The following GPR141 variants were observed in gnomAD, a reference collection of about 807,000 sequenced individuals.
The protein encoded by GPR141 is G protein-coupled receptor 141, also known as probable G protein-coupled receptor 141.
In GPR141, 6 loss-of-function variants were observed where a neutral mutation model predicts 6.8. The observed-to-expected ratio is 0.88, with a 90% CI of 0.48 to 1.74. The LOEUF is 1.74. GPR141 is among the 40% of genes most tolerant of loss of function. GPR141 has a pLI of 0.01. For missense variants in GPR141, 372 were observed against 372.9 expected (o/e 1.00, Z 0.02); for synonymous variants, 140 against 142.3 (o/e 0.98, Z 0.11).
chr7:37,686,399 C>G (rs756953461), intron 2 of GPR141, among the ~76,000 whole-genome samples: 1 of 152,080 alleles, frequency 6.6e-6, no homozygotes, highest in Admixed American at 6.6e-5. Context: ...CTAGTTCATA[C>G]GTTATACCAA....
intron 2 of GPR141, among the ~76,000 whole-genome samples, chr7:37,729,703 T>G (rs1042028139): frequency 6.6e-5 from 10 of 152,258 alleles, no homozygotes; most frequent in African/African-American, 2.2e-4. Context: ...AAATGCAGTC[T>G]GTGTTTACAC....
intron 2 of GPR141, among the ~76,000 whole-genome samples, chr7:37,726,131 T>C (rs1482671044): frequency 6.6e-6 from 1 of 152,224 alleles, no homozygotes; most frequent in Non-Finnish European, 1.5e-5. Flanking sequence ...GCATTTTAGG[T>C]TTAAAATGTG....
intron 2 of GPR141, among the ~76,000 whole-genome samples, chr7:37,718,908 C>T (rs1811177956): frequency 6.6e-6 from 1 of 152,164 alleles, no homozygotes; most frequent in African/African-American, 2.4e-5. Flanking sequence ...TTAAGCAGGG[C>T]TCACATTTGT....
At chr7:37,706,376 A>T (rs531297987) in intron 2 of GPR141, among the ~76,000 whole-genome samples, 26 of 152,306 alleles carry the variant, frequency 1.7e-4, no homozygotes, top group Admixed American at 7.8e-4. Context: ...GCACTGTTGT[A>T]CTCTGTTGTT....
chr7:37,688,560 T>A (rs1809617605), intron 2 of GPR141, among the ~76,000 whole-genome samples: 1 of 152,242 alleles, frequency 6.6e-6, no homozygotes, highest in Non-Finnish European at 1.5e-5. Context: ...TCATTCATTT[T>A]AGCCCTGGCC....
chr7:37,723,381 A>G (rs939393495), intron 2 of GPR141, among the ~76,000 whole-genome samples: 9 of 152,064 alleles, frequency 5.9e-5, no homozygotes, highest in African/African-American at 2.2e-4. Context: ...ACACTGAGAA[A>G]ATAAAAAGAA....
At chr7:37,737,850 A>G (rs1812321121) in intron 2 of GPR141, among the ~76,000 whole-genome samples, 1 of 152,216 alleles carries the variant, frequency 6.6e-6, no homozygotes, top group Non-Finnish European at 1.5e-5. Flanking sequence ...GTTCGGGTGG[A>G]TATTGCGTGA....
intron 2 of GPR141, among the ~76,000 whole-genome samples, chr7:37,699,760 T>C (rs1342882863): frequency 1.3e-5 from 2 of 152,262 alleles, no homozygotes; most frequent in African/African-American, 4.8e-5. Flanking sequence ...TAAGTAAATA[T>C]GTGTAATAAA....
intron 2 of GPR141, among the ~76,000 whole-genome samples, chr7:37,693,506 C>T (rs778769978): frequency 6.6e-6 from 1 of 152,044 alleles, no homozygotes; most frequent in Non-Finnish European, 1.5e-5. Flanking sequence ...TCACATACGG[C>T]TGTGTTTCTG....
At chr7:37,689,013 T>G (rs1809639919) in intron 2 of GPR141, among the ~76,000 whole-genome samples, 2 of 152,146 alleles carry the variant, frequency 1.3e-5, no homozygotes, top group Non-Finnish European at 2.9e-5. Context: ...TCCAGAAGTT[T>G]TTCGTTATCC....
chr7:37,688,817 G>A (rs1809631565), intron 2 of GPR141, among the ~76,000 whole-genome samples: 1 of 151,978 alleles, frequency 6.6e-6, no homozygotes, highest in African/African-American at 2.4e-5. Context: ...ACCACTAAAG[G>A]GCTTATCAAA....
At position 37,740,485 on chromosome 7, in the gene GPR141, G is replaced by A; in HGVS notation, c.92G>A (p.Gly31Glu). The A allele has an allele frequency of 6.2e-7, 1 of 1,613,938 alleles. No individual in the cohort carries two copies. The highest frequency in any genetic ancestry group is 8.5e-7 in the Non-Finnish European group (1 of 1,179,924). The part of the protein sequence containing the change: ...ISLYFIVLIG[G>E]LVGVISILFL... ...CTCTACTTCATAGTGCTTATTGGCG[G>A]GCTGGTGGGTGTCATTTCCATTCTT... Residue 31 changes from glycine to glutamate, a missense_variant, in exon 3 of 3, where the codon GGG (glycine) becomes GAG (glutamate). Transcript: ENST00000334425.
At chr7:37,705,298 C>G (rs1478420381) in intron 2 of GPR141, among the ~76,000 whole-genome samples, 1 of 152,118 alleles carries the variant, frequency 6.6e-6, no homozygotes, top group Non-Finnish European at 1.5e-5. Context: ...GAAAATAATA[C>G]TCTAAATGTT....
chr7:37,721,773 C>T (rs1811338082), intron 2 of GPR141, among the ~76,000 whole-genome samples: 1 of 152,158 alleles, frequency 6.6e-6, no homozygotes. Context: ...TTTAGAACTT[C>T]TGGGAGAGTC....
intron 2 of GPR141, among the ~76,000 whole-genome samples, chr7:37,712,986 C>T (rs975830303): frequency 2.0e-5 from 3 of 152,302 alleles, no homozygotes. Flanking sequence ...GCATGTTTTT[C>T]TCATGGTAAT....
rs140146180 is a variant in GPR141, at chr7:37,740,533, C to G, written c.140C>G (p.Thr47Ser). The G allele has an allele frequency of 1.9e-6, 3 of 1,613,940 alleles. No individual in the cohort carries two copies. The highest frequency in any genetic ancestry group is 2.7e-5 in the African/African-American group (2 of 74,898). Residue 47 changes from threonine to serine, a missense_variant, in exon 3 of 3, where the codon ACC becomes AGC. Coordinates refer to ENST00000334425, the MANE Select transcript of GPR141 (RefSeq NM_001381946.1). ...CTTTTCCTCCTGGTGAAAATGAACA[C>G]CCGGTCAGTGACCACCATGGCGGTC... ...SILFLLVKMN[T>S]RSVTTMAVIN...
At position 37,740,858 on chromosome 7, in the gene GPR141, T is replaced by G. The variant is rs751648980; in HGVS notation, c.465T>G (p.Tyr155Ter). The G allele has an allele frequency of 3.1e-6, 5 of 1,614,148 alleles. No homozygotes were observed. The highest frequency in any genetic ancestry group is 4.2e-6 in the Non-Finnish European group (5 of 1,179,966). The change falls in exon 3 of 3, where the codon TAT becomes TAG. Residue 155 changes from tyrosine to a stop codon, truncating the protein, a stop_gained. Transcript: ENST00000334425. LOFTEE classifies it low-confidence loss of function (END_TRUNC). ...VIVVPLVVSR[Y>*]GIHEEYNEEH... ...TGGTACCCCTGGTTGTCTCCCGGTATGGAATCCATGAGGAATACAATGAGG... is the reference window on the plus strand; with the variant it reads ...TGGTACCCCTGGTTGTCTCCCGGTAGGGAATCCATGAGGAATACAATGAGG...
rs781537131 is a variant in GPR141, at chr7:37,740,582, C to T, written c.189C>T (p.Ser63=). The T allele has an allele frequency of 6.8e-6, 11 of 1,614,058 alleles. No homozygotes were observed. Among genetic ancestry groups the T allele is most frequent in the East Asian group, 2.2e-5 (1 of 44,888 alleles). Residue 63 remains serine (S), a synonymous_variant, in exon 3 of 3, where the codon AGC becomes AGT. Transcript: ENST00000334425. The part of the protein sequence containing the change: ...MAVINLVVVH[S]VFLLTVPFRL... ...TCATTAACTTGGTGGTGGTCCACAG[C>T]GTTTTTCTGCTGACAGTGCCATTTC... is the stretch of plus-strand genomic sequence containing the variant.
At chr7:37,726,266 C>T (rs547533177) in intron 2 of GPR141, among the ~76,000 whole-genome samples, 11 of 152,050 alleles carry the variant, frequency 7.2e-5, no homozygotes, top group Non-Finnish European at 1.5e-4. Context: ...AGGTGAGAAG[C>T]CATTGGAGGA....
Sources: gnomAD v4.1 joint callset for allele counts (sites outside exome capture counted in the v4.1 genomes callset) on GRCh38, gnomAD v4.1.1 for gene constraint, MANE v1.5 for transcripts, NCBI Gene and HGNC (gene_info 2026-07-23, HGNC 2026-07-21) for gene names.